PREP: variants seen among roughly 807,000 people sequenced by gnomAD.
PREP encodes the protein dJ355L5.1 (prolyl endopeptidase).
In PREP, 29 loss-of-function variants were observed where a neutral mutation model predicts 87.6. That is an observed-to-expected ratio of 0.33 (90% CI 0.25 to 0.45). PREP has a LOEUF of 0.45. PREP is among the 20% of genes least tolerant of loss of function. PREP has a pLI of 1.00. For missense variants in PREP, 695 were observed against 886.5 expected (o/e 0.78, Z 2.74); for synonymous variants, 337 against 328.6 (o/e 1.03, Z -0.28).
chr6:105,312,674 T>C (rs1770781906), intron 10 of PREP, among the ~76,000 whole-genome samples: 1 of 152,206 alleles, frequency 6.6e-6, no homozygotes, highest in Non-Finnish European at 1.5e-5. Context: ...GAATGTCCTC[T>C]TTCCCCGTCT....
chr6:105,293,430 T>A (rs150078246), intron 10 of PREP, among the ~76,000 whole-genome samples: 1 of 152,116 alleles, frequency 6.6e-6, no homozygotes, highest in Admixed American at 6.6e-5. Context: ...AATAGTAACA[T>A]TGAAGATCAC....
intron 2 of PREP, among the ~76,000 whole-genome samples, chr6:105,395,991 T>C (rs1773277564): frequency 2.0e-5 from 3 of 152,170 alleles, no homozygotes; most frequent in Non-Finnish European, 4.4e-5. Context: ...CAAGGTAATC[T>C]ATGGCAGGGA....
chr6:105,351,596 A>G (rs1202058616), intron 7 of PREP, among the ~76,000 whole-genome samples: 1 of 152,224 alleles, frequency 6.6e-6, no homozygotes, highest in Non-Finnish European at 1.5e-5. Context: ...ATTAAAGCAG[A>G]TATAGCAATA....
intron 2 of PREP, among the ~76,000 whole-genome samples, chr6:105,384,505 C>T (rs1243227143): frequency 1.3e-5 from 2 of 152,188 alleles, no homozygotes; most frequent in African/African-American, 4.8e-5. Context: ...CTTGTACCTC[C>T]ATCTGTCATA....
intron 7 of PREP, among the ~76,000 whole-genome samples, chr6:105,342,215 C>T (rs560060913): frequency 6.6e-6 from 1 of 152,290 alleles, no homozygotes; most frequent in South Asian, 2.1e-4. Context: ...CCCTGGGATG[C>T]AAGGCTGGTT....
intron 10 of PREP, among the ~76,000 whole-genome samples, chr6:105,306,736 TCCACCACCACCACCATCCCCGCCC>T (rs1770664521): frequency 6.6e-6 from 1 of 151,804 alleles, no homozygotes; most frequent in African/African-American, 2.4e-5. Context: ...CATGGGCTCC[TCCACCACCACCACCATCCCCGCCC>T]CCACCACCCC....
rs1427759611 is a variant in PREP, at chr6:105,277,376, C to T, written c.*768G>A. On this transcript the variant is annotated 3_prime_UTR_variant, in exon 15 of 15. Transcript: ENST00000652536. ...CTGATTTCTAGGAATACTTTGTAAA[C>T]AAATCAATATACAAATAGGTGAATA... Among the ~76,000 whole-genome samples the T allele has an allele frequency of 6.6e-6, 1 of 152,016 alleles. No individual in the cohort carries two copies. The highest frequency in any genetic ancestry group is 1.5e-5 in the Non-Finnish European group (1 of 67,982).
chr6:105,279,222 G>A (rs1481517575), intron 14 of PREP: 1 of 152,120 alleles, frequency 6.6e-6, no homozygotes, highest in Non-Finnish European at 1.5e-5. Context: ...ATTTATTAAT[G>A]AATAAAATCA....
intron 6 of PREP, among the ~76,000 whole-genome samples, chr6:105,353,894 TCTA>T (rs1279527511): frequency 6.6e-6 from 1 of 152,202 alleles, no homozygotes; most frequent in Non-Finnish European, 1.5e-5. Flanking sequence ...TTTAGTCCCT[TCTA>T]CTGCAAGATC....
In PREP at chr6:105,277,702, C is replaced by T. The variant is rs1026584143; in HGVS notation, c.*442G>A. The stretch of plus-strand genomic sequence containing the variant: ...GGAGTTGCCCCTCAATATGAAGAAA[C>T]CGGAAGTAAAAGCCTGTCATTCTTA... On this transcript the variant is annotated 3_prime_UTR_variant, in exon 15 of 15. Transcript: ENST00000652536. 10 of 158,056 alleles carry T rather than the reference C, an allele frequency of 6.3e-5. No homozygotes were observed. Among genetic ancestry groups the T allele is most frequent in the African/African-American group, 2.2e-4 (9 of 41,618 alleles). The allele number at this position is 158,056 out of a possible 1,614,324, so 9.8% of individuals were successfully genotyped here.
At chr6:105,369,603 A>G (rs716490) in intron 5 of PREP, among the ~76,000 whole-genome samples, 52,074 of 152,082 alleles carry the variant, frequency 0.34, 13,189 homozygotes, top group African/African-American at 0.72. Flanking sequence ...GCAAAACAAC[A>G]GACAAATAGA....
chr6:105,302,179 G>A (rs1770549920), intron 10 of PREP, among the ~76,000 whole-genome samples: 1 of 152,176 alleles, frequency 6.6e-6, no homozygotes, highest in African/African-American at 2.4e-5. Context: ...GCTACACGCG[G>A]AGGCCCAGAG....
chr6:105,291,688 T>C (rs1180498953), intron 10 of PREP, among the ~76,000 whole-genome samples: 2 of 152,334 alleles, frequency 1.3e-5, no homozygotes, highest in African/African-American at 4.8e-5. Context: ...TTGTGGGACC[T>C]TGTGATCATA....
At chr6:105,370,263 G>T (rs182791591) in intron 5 of PREP, among the ~76,000 whole-genome samples, 1 of 145,232 alleles carries the variant, frequency 6.9e-6, no homozygotes, top group African/African-American at 2.6e-5. Flanking sequence ...TTAGCTGGGC[G>T]TGGCGCTAAC....
At chr6:105,339,475 TTC>T (rs1162586305) in intron 7 of PREP, among the ~76,000 whole-genome samples, 1 of 152,220 alleles carries the variant, frequency 6.6e-6, no homozygotes, top group Non-Finnish European at 1.5e-5. Flanking sequence ...AGAGCTCCTC[TTC>T]TCCTCCAAAG....
intron 4 of PREP, among the ~76,000 whole-genome samples, chr6:105,375,731 C>T (rs1772671016): frequency 6.6e-6 from 1 of 152,186 alleles, no homozygotes; most frequent in South Asian, 2.1e-4. Flanking sequence ...AACATTCTTT[C>T]CTGTTTAATA....
chr6:105,395,272 A>C (rs1233469029), intron 2 of PREP, among the ~76,000 whole-genome samples: 2 of 152,210 alleles, frequency 1.3e-5, no homozygotes, highest in East Asian at 1.9e-4. Flanking sequence ...ACATGAATAC[A>C]TTCCTTTAGC....
At chr6:105,335,048 T>C (rs1178351691) in intron 7 of PREP, among the ~76,000 whole-genome samples, 1 of 152,198 alleles carries the variant, frequency 6.6e-6, no homozygotes, top group African/African-American at 2.4e-5. Context: ...CAGTCTTTAA[T>C]ACTAAGAACT....
intron 11 of PREP, among the ~76,000 whole-genome samples, chr6:105,287,547 T>C (rs1180294042): frequency 1.3e-5 from 2 of 152,240 alleles, no homozygotes; most frequent in African/African-American, 4.8e-5. Context: ...AGGCATCATA[T>C]TTCATACTTC....
Sources: allele counts gnomAD v4.1 joint callset (sites outside exome capture counted in the v4.1 genomes callset), GRCh38; gene constraint gnomAD v4.1.1; transcripts MANE v1.5; gene names NCBI Gene and HGNC (gene_info 2026-07-23, HGNC 2026-07-21).